Variants in FOSL1 observed in about 807,000 individuals in gnomAD.
FOSL1 encodes fos-related antigen 1.
Under a neutral mutation model 24.9 loss-of-function variants are expected in FOSL1, and 14 were observed. The observed-to-expected ratio is 0.56, with a 90% CI of 0.37 to 0.88. FOSL1 has a LOEUF of 0.88. Ranked by LOEUF, FOSL1 falls within the 40% of genes least tolerant of loss-of-function variation. FOSL1 has a pLI of 0.00. For synonymous variants in FOSL1, 133 were observed against 145.1 expected (o/e 0.92, Z 0.60); for missense variants, 318 against 359.8 (o/e 0.88, Z 0.94).
chr11:65,896,663 T>C, intron 2 of FOSL1, 146 bp downstream of exon 2: 1 of 588,178 alleles, frequency 1.7e-6, no homozygotes, highest in South Asian at 2.9e-5. Flanking sequence ...CCCGTGGGGC[T>C]CCTATCACTT....
Position 65,892,682 on chromosome 11 carries a change from G to A in FOSL1, c.*204C>T. On this transcript the variant is annotated 3_prime_UTR_variant, in exon 4 of 4. Transcript: ENST00000312562. ...ATTTAGTGCAAATTGTGCTAGAGAG[G>A]CCAGCTCAAGAGAAACAGTGGGCAG... 1 of 702,020 alleles carries A rather than the reference G, an allele frequency of 1.4e-6. No individual in the cohort carries two copies. Among genetic ancestry groups the A allele is most frequent in the Admixed American group, 2.0e-5 (1 of 49,838 alleles). 43.5% of individuals were successfully genotyped at this position (702,020 alleles called of 1,614,324 possible). A position where few individuals can be genotyped will look rare whatever the true frequency, so the allele number is the denominator to read the frequency against.
intron 1 of FOSL1, among the ~76,000 whole-genome samples, chr11:65,897,484 C>A (rs1301360586): frequency 6.6e-6 from 1 of 151,830 alleles, no homozygotes; most frequent in Non-Finnish European, 1.5e-5. Flanking sequence ...GGATTATAGG[C>A]GTGCACCACC....
Position 65,896,794 on chromosome 11 carries a change from G to A in FOSL1, c.297+15C>T. 1.3e-6 allele frequency: 2 copies of A among 1,576,890 alleles called. No homozygotes were observed. The highest frequency in any genetic ancestry group is 2.3e-5 in the South Asian group (2 of 87,818). On this transcript the variant is annotated intron_variant, in intron 2 of 3. Transcript: ENST00000312562. Reference sequence around the variant, plus strand: ...TGGGCGGGGTCGGAACCACTGCAATGCCTCTGTGCCTTACCTGTTCACAAG... The same window carrying A: ...TGGGCGGGGTCGGAACCACTGCAATACCTCTGTGCCTTACCTGTTCACAAG...
Position 65,894,097 on chromosome 11 carries a change from G to A in FOSL1, c.322C>T (p.Arg108Cys), listed in dbSNP as rs752420600. 3 of 1,608,654 alleles carry A rather than the reference G, an allele frequency of 1.9e-6. No individual in the cohort carries two copies. The highest frequency in any genetic ancestry group is 2.5e-6 in the Non-Finnish European group (3 of 1,179,380). The change falls in exon 3 of 4, where the codon CGC becomes TGC. Residue 108 changes from arginine (R) to cysteine (C), a missense_variant. By Grantham distance (180) the Arg-to-Cys change is radical. Coordinates refer to ENST00000312562, the MANE Select transcript of FOSL1 (RefSeq NM_005438.5). ...TTGTTCCGCTCGCGCCTTACTCGGC[G>A]GCGCTCCTCTTCCTCCGGGCTGATC... Reference protein sequence around the residue: ...EQISPEEEERRRVRRERNKLA... With the variant: ...EQISPEEEERCRVRRERNKLA...
At position 65,893,718 on chromosome 11, in the gene FOSL1, G is replaced by T. The variant is rs1297323092; in HGVS notation, c.405+296C>A. 2.6e-5 allele frequency among the ~76,000 whole-genome samples: 4 copies of T among 152,048 alleles called. No individual in the cohort carries two copies. The East Asian group carries it at 7.7e-4, about 29-fold the overall frequency. On this transcript the variant is annotated intron_variant, in intron 3 of 3. Transcript: ENST00000312562. ...AGGCATAAGAATTGCTGGAGCCTGG[G>T]AGACAGATGTCACAGTGAGCCATGA...
chr11:65,899,201 G>A (rs1860607424), intron 1 of FOSL1, among the ~76,000 whole-genome samples: 1 of 152,176 alleles, frequency 6.6e-6, no homozygotes, highest in South Asian at 2.1e-4. Context: ...GGCCCTGGGT[G>A]TGGGCGCCCA....
chr11:65,896,430 C>A (rs1383382952), intron 2 of FOSL1, among the ~76,000 whole-genome samples: 2 of 152,092 alleles, frequency 1.3e-5, no homozygotes, highest in Non-Finnish European at 2.9e-5. Flanking sequence ...ATAAGCGCCC[C>A]CTCTATGCAT....
At position 65,893,308 on chromosome 11, in the gene FOSL1, C is replaced by A; in HGVS notation, c.406-12G>T. The stretch of plus-strand genomic sequence containing the variant: ...AGTTTGTCAGTCTCCTGTAGAAGAT[C>A]AGGAGAGGAGTCAGAAAGGTGAGGG... On this transcript the variant is annotated splice_polypyrimidine_tract_variant and intron_variant, in intron 3 of 3. Coordinates refer to ENST00000312562, the MANE Select transcript of FOSL1 (RefSeq NM_005438.5). 1.3e-6 allele frequency: 2 copies of A among 1,592,262 alleles called. No individual in the cohort carries two copies.
At chr11:65,893,524 C>T (rs1236223114) in intron 3 of FOSL1, among the ~76,000 whole-genome samples, 1 of 152,166 alleles carries the variant, frequency 6.6e-6, no homozygotes, top group Non-Finnish European at 1.5e-5. Context: ...CAGGCAGTGA[C>T]TCCGGCCTGT....
intron 2 of FOSL1, 133 bp downstream of exon 2, chr11:65,896,676 A>G (rs1860533801): frequency 3.1e-6 from 2 of 653,032 alleles, no homozygotes; most frequent in Non-Finnish European, 5.1e-6. Context: ...TATCACTTTC[A>G]GCCTTGGGCA....
intron 2 of FOSL1, among the ~76,000 whole-genome samples, chr11:65,895,970 A>G (rs1591087650): frequency 6.6e-6 from 1 of 152,262 alleles, no homozygotes; most frequent in Admixed American, 6.5e-5. Context: ...CTCTACTTTG[A>G]GCCTTCTGTT....
In FOSL1 at chr11:65,894,059, G is replaced by T. The variant is rs747527827; in HGVS notation, c.360C>A (p.Ala120=). The part of the protein sequence containing the change: ...VRRERNKLAA[A]KCRNRRKELT... ...GTTCCTTCCTCCGGTTCCTGCACTT[G>T]GCCGCAGCCAGCTTGTTCCGCTCGC... The change falls in exon 3 of 4, where the codon GCC becomes GCA. Residue 120 remains alanine, a synonymous_variant. Coordinates refer to ENST00000312562, the MANE Select transcript of FOSL1 (RefSeq NM_005438.5). 6.8e-6 allele frequency: 11 copies of T among 1,611,352 alleles called. No homozygotes were observed. Among genetic ancestry groups the T allele is most frequent in the Non-Finnish European group, 9.3e-6 (11 of 1,179,480 alleles).
At chr11:65,895,442 G>A (rs558060967) in intron 2 of FOSL1, among the ~76,000 whole-genome samples, 1 of 152,010 alleles carries the variant, frequency 6.6e-6, no homozygotes, top group Non-Finnish European at 1.5e-5. Flanking sequence ...GATTCTTAAC[G>A]CAACTTTCCA....
rs1479161684 is a variant in FOSL1 at position 65,900,309 on chromosome 11, T to C, written c.31A>G (p.Ser11Gly). 3.2e-6 allele frequency: 4 copies of C among 1,243,988 alleles called. No homozygotes were observed. The East Asian group carries it at 9.4e-5, about 29-fold the overall frequency. The allele number at this position is 1,243,988 out of a possible 1,614,324, so 77.1% of individuals were successfully genotyped here. The change falls in exon 1 of 4, where the codon AGC becomes GGC. Residue 11 changes from serine to glycine, a missense_variant. Transcript: ENST00000312562. ...CCGTACCCGCCGCCGTTCCCGGAGC[T>C]CGGGCCGGGTTCCCCGAAGTCTCGG... MFRDFGEPGPSSGNGGGYGGP... is the reference protein window; with the variant it reads MFRDFGEPGPGSGNGGGYGGP...
chr11:65,892,906 G>C lies in FOSL1; in HGVS notation c.796C>G (p.Pro266Ala), dbSNP rs759043572. The C allele has an allele frequency of 6.9e-5, 112 of 1,611,702 alleles. No homozygotes were observed. Among genetic ancestry groups the C allele is most frequent in the Non-Finnish European group, 8.9e-5 (105 of 1,179,944 alleles). Residue 266 changes from proline to alanine, a missense_variant, in exon 4 of 4, where the codon CCA becomes GCA. Pro to Ala is a conservative substitution (Grantham distance 27, BLOSUM62 -1). Coordinates refer to ENST00000312562, the MANE Select transcript of FOSL1 (RefSeq NM_005438.5). ...GCGCCTCACAAAGCGAGGAGGGTTG[G>C]AGAGCCAAGGGGGTCAGAGGATGGG... ...GDPSSDPLGS[P>A]TLLAL is the part of the protein sequence containing the mutation.
intron 1 of FOSL1, among the ~76,000 whole-genome samples, chr11:65,898,735 G>T (rs1028125585): frequency 6.6e-6 from 1 of 152,152 alleles, no homozygotes; most frequent in Non-Finnish European, 1.5e-5. Context: ...GAGGTAGAAG[G>T]ATCACTTGAG....
In FOSL1 at chr11:65,892,773, G is replaced by T; in HGVS notation, c.*113C>A. The T allele has an allele frequency of 9.8e-7, 1 of 1,024,878 alleles. No homozygotes were observed. Among genetic ancestry groups the T allele is most frequent in the Non-Finnish European group, 1.5e-6 (1 of 682,452 alleles). The allele number at this position is 1,024,878 out of a possible 1,614,324, so 63.5% of individuals were successfully genotyped here. A position where few individuals can be genotyped will look rare whatever the true frequency, so the allele number is the denominator to read the frequency against. ...TGGTCAGTCTCATTAGAGGGATGGAGAAGAAGTTGCTGGAGTTGGATGTGG... is the reference window on the plus strand; with the variant it reads ...TGGTCAGTCTCATTAGAGGGATGGATAAGAAGTTGCTGGAGTTGGATGTGG... On this transcript the variant is annotated 3_prime_UTR_variant, in exon 4 of 4. Coordinates refer to ENST00000312562, the MANE Select transcript of FOSL1 (RefSeq NM_005438.5).
Position 65,896,631 on chromosome 11 carries a change from G to A in FOSL1, c.297+178C>T, listed in dbSNP as rs191333882. Among the ~76,000 whole-genome samples, 351 of 152,264 alleles carry A rather than the reference G, an allele frequency of 2.3e-3. 2 individuals are homozygous for A. In the Middle Eastern group the frequency reaches 0.054, roughly 24 times the overall value. Reference sequence around the variant, plus strand: ...AGGAAGCTTTCCCTGATCTGGAAGTGACTGTTGTACCCTCTGGGCCTCCCG... The same window carrying A: ...AGGAAGCTTTCCCTGATCTGGAAGTAACTGTTGTACCCTCTGGGCCTCCCG... On this transcript the variant is annotated intron_variant, in intron 2 of 3. Transcript: ENST00000312562.
intron 1 of FOSL1, among the ~76,000 whole-genome samples, chr11:65,898,962 G>GAAAAAAAAAAAAAA (rs745881086): frequency 3.2e-5 from 1 of 31,060 alleles, no homozygotes; most frequent in African/African-American, 5.5e-5. Context: ...CCCTGTCTCA[G>GAAAAAAAAAAAAAA]AAAAAAAAAA....
Sources: allele counts gnomAD v4.1 joint callset (sites outside exome capture counted in the v4.1 genomes callset), GRCh38; gene constraint gnomAD v4.1.1; transcripts MANE v1.5; gene names NCBI Gene and HGNC (gene_info 2026-07-23, HGNC 2026-07-21).